The following CACNG7 variants were observed in gnomAD, a reference collection of about 807,000 sequenced individuals.
The protein encoded by CACNG7 is voltage-dependent calcium channel gamma-7 subunit.
Under a neutral mutation model 26.3 loss-of-function variants are expected in CACNG7, and 9 were observed. The ratio of observed to expected loss-of-function variants is 0.34; its 90% CI spans 0.21 to 0.60. CACNG7 has a LOEUF of 0.60. Among genes scored for constraint, CACNG7 ranks in the 20% least tolerant of loss-of-function variants. The pLI is 0.81. For missense variants in CACNG7, 297 were observed against 380.4 expected, an observed-to-expected ratio of 0.78 and a Z score of 1.82; for synonymous variants, 170 against 157.0, an observed-to-expected ratio of 1.08 and a Z score of -0.62.
Position 53,942,710 on chromosome 19 carries a change from C to A in CACNG7, c.*417C>A. 2.6e-6 allele frequency: 1 copy of A among 391,272 alleles called. No homozygotes were observed. The highest frequency in any genetic ancestry group is 3.7e-6 in the Non-Finnish European group (1 of 273,146). 24.2% of individuals were successfully genotyped at this position (391,272 alleles called of 1,614,324 possible). The stretch of plus-strand genomic sequence containing the variant: ...GGGGCGCTGGGCTGGAGAGCAGGTT[C>A]GGGCAGCCGTCGGGAATACCGACCA... On this transcript the variant is annotated 3_prime_UTR_variant, in exon 6 of 6. Coordinates refer to ENST00000391767, the MANE Select transcript of CACNG7 (RefSeq NM_031896.5). The surrounding 1 kb of genome is among the most constrained non-coding windows in gnomAD (Gnocchi z 5.9).
chr19:53,933,089 T>C (rs1018741123), intron 4 of CACNG7, among the ~76,000 whole-genome samples: 6 of 151,936 alleles, frequency 3.9e-5, no homozygotes, highest in Admixed American at 3.9e-4. Flanking sequence ...TACAGCACTT[T>C]GTGCGTGAGC....
chr19:53,933,356 G>A (rs867639265), intron 4 of CACNG7, among the ~76,000 whole-genome samples: 2 of 145,248 alleles, frequency 1.4e-5, no homozygotes, highest in Admixed American at 7.1e-5. Flanking sequence ...CTGGAGTGCA[G>A]TGGTGCGGTC....
At chr19:53,937,951 A>G (rs1001079525) in intron 4 of CACNG7, among the ~76,000 whole-genome samples, 1 of 152,110 alleles carries the variant, frequency 6.6e-6, no homozygotes, top group African/African-American at 2.4e-5. Flanking sequence ...AGAAATAGAC[A>G]TGGGGAAATC....
intron 4 of CACNG7, among the ~76,000 whole-genome samples, chr19:53,935,657 T>TTTTTTTA (rs2069100355): frequency 7.1e-6 from 1 of 141,802 alleles, no homozygotes; most frequent in Non-Finnish European, 1.5e-5. Flanking sequence ...TTTTTTTTTT[T>TTTTTTTA]GAGTTGGAGT....
At chr19:53,938,082 C>T (rs1433761807) in intron 4 of CACNG7, among the ~76,000 whole-genome samples, 2 of 152,102 alleles carry the variant, frequency 1.3e-5, no homozygotes, top group Non-Finnish European at 2.9e-5. Context: ...TGTGGTGGCT[C>T]ACGCTTGTAA....
intron 4 of CACNG7, 122 bp downstream of exon 4, chr19:53,915,627 C>A: frequency 9.1e-7 from 1 of 1,093,890 alleles, no homozygotes; most frequent in Non-Finnish European, 1.3e-6. Context: ...CCTCTCTGAG[C>A]CCCACTTTCC....
At chr19:53,922,380 A>G (rs553934579) in intron 4 of CACNG7, among the ~76,000 whole-genome samples, 267 of 99,324 alleles carry the variant, frequency 2.7e-3, no homozygotes, top group African/African-American at 0.012. Context: ...AGGCCTGGTC[A>G]TTGGTGGAGT....
At chr19:53,925,755 A>G (rs1471767540) in intron 4 of CACNG7, among the ~76,000 whole-genome samples, 1 of 152,220 alleles carries the variant, frequency 6.6e-6, no homozygotes, top group Non-Finnish European at 1.5e-5. Context: ...GAGACTGGAA[A>G]TGTACAAACT....
intron 4 of CACNG7, among the ~76,000 whole-genome samples, chr19:53,930,074 CAAAAA>C (rs35004784): frequency 2.2e-5 from 2 of 92,568 alleles, no homozygotes; most frequent in African/African-American, 7.4e-5. Context: ...CTACATGCTA[CAAAAA>C]AAAAAAAAAA....
intron 4 of CACNG7, among the ~76,000 whole-genome samples, chr19:53,923,844 G>T (rs2068992451): frequency 8.3e-6 from 1 of 120,754 alleles, no homozygotes; most frequent in South Asian, 2.8e-4. Flanking sequence ...TGGTGGAGTT[G>T]CCCCAGGCCT....
chr19:53,938,613 A>G (rs1454904880), intron 4 of CACNG7, among the ~76,000 whole-genome samples: 10 of 152,128 alleles, frequency 6.6e-5, no homozygotes, highest in African/African-American at 2.4e-4. Flanking sequence ...TTCCACTATC[A>G]TTTGTAGAAA....
At chr19:53,915,557 C>T (rs748927807) in intron 4 of CACNG7, 52 bp downstream of exon 4, 1 of 1,602,564 alleles carries the variant, frequency 6.2e-7, no homozygotes, top group South Asian at 1.1e-5. Flanking sequence ...TTCCAGGGAC[C>T]TGTGGTTCCT....
intron 4 of CACNG7, among the ~76,000 whole-genome samples, chr19:53,920,652 G>GT (rs772708820): frequency 1.1e-5 from 1 of 88,396 alleles, no homozygotes; most frequent in Non-Finnish European, 2.1e-5. Flanking sequence ...GTTGCCCCAG[G>GT]CTGGTCATTG....
In CACNG7 at chr19:53,940,988, G is replaced by A. The variant is rs1346332519; in HGVS notation, c.425-482G>A. Among the ~76,000 whole-genome samples the A allele has an allele frequency of 6.6e-6, 1 of 151,834 alleles. No homozygotes were observed. Among genetic ancestry groups the A allele is most frequent in the Non-Finnish European group, 1.5e-5 (1 of 67,966 alleles). ...AGGCAGGAGAATCGCTTGAACCTGGGAGGTTGAAGGTTGCGGTGAGCCGAG... is the reference window on the plus strand; with the variant it reads ...AGGCAGGAGAATCGCTTGAACCTGGAAGGTTGAAGGTTGCGGTGAGCCGAG... On this transcript the variant is annotated intron_variant, in intron 4 of 5. Transcript: ENST00000391767. The surrounding 1 kb of genome is among the most constrained non-coding windows in gnomAD (Gnocchi z 4.1).
At position 53,942,475 on chromosome 19, in the gene CACNG7, C is replaced by T. The variant is rs2069145086; in HGVS notation, c.*182C>T. ...CCACAGACTCCCTTATTTCAATGGC[C>T]GCGCCCTCTTTTCCCGACCTCTCCT... On this transcript the variant is annotated 3_prime_UTR_variant, in exon 6 of 6. Transcript: ENST00000391767. This position sits in a 1 kb window ranked among gnomAD's most constrained non-coding sequence, Gnocchi z 5.9. 4.2e-6 allele frequency: 6 copies of T among 1,442,698 alleles called. No individual in the cohort carries two copies. The highest frequency in any genetic ancestry group is 4.5e-6 in the Non-Finnish European group (5 of 1,103,824). 89.4% of individuals were successfully genotyped at this position (1,442,698 alleles called of 1,614,324 possible).
chr19:53,924,474 C>T (rs1237686035), intron 4 of CACNG7, among the ~76,000 whole-genome samples: 1 of 148,968 alleles, frequency 6.7e-6, no homozygotes, highest in Non-Finnish European at 1.5e-5. Context: ...GTGGAGTTGT[C>T]CGAGGTCTGG....
At chr19:53,911,437 C>T (rs1360467325) in intron 1 of CACNG7, among the ~76,000 whole-genome samples, 4 of 152,094 alleles carry the variant, frequency 2.6e-5, no homozygotes, top group Non-Finnish European at 5.9e-5. Flanking sequence ...TTCCAATGTT[C>T]TGGGACTCAG....
intron 4 of CACNG7, among the ~76,000 whole-genome samples, chr19:53,935,787 C>G (rs1429954035): frequency 6.6e-6 from 1 of 151,640 alleles, no homozygotes; most frequent in East Asian, 1.9e-4. Flanking sequence ...ATTACAGGCA[C>G]CCACCACCAT....
intron 4 of CACNG7, among the ~76,000 whole-genome samples, chr19:53,929,211 G>A (rs1474669070): frequency 1.3e-5 from 2 of 151,718 alleles, no homozygotes; most frequent in Non-Finnish European, 2.9e-5. Flanking sequence ...GAGGAATTCA[G>A]GAAGTAAAGC....
Sources: allele counts gnomAD v4.1 joint callset (sites outside exome capture counted in the v4.1 genomes callset), GRCh38; gene constraint gnomAD v4.1.1; non-coding constraint Gnocchi (gnomAD v3.1); transcripts MANE v1.5; gene names NCBI Gene and HGNC (gene_info 2026-07-23, HGNC 2026-07-21).